LDLRAD4: variants seen among roughly 807,000 people sequenced by gnomAD.
The protein encoded by LDLRAD4 is low-density lipoprotein receptor class A domain-containing protein 4.
A neutral mutation model predicts 17.0 loss-of-function variants in LDLRAD4; 5 were observed. The observed-to-expected ratio is 0.29, with a 90% confidence interval of 0.15 to 0.62. The LOEUF is 0.62. Ranked by LOEUF, LDLRAD4 falls within the 20% of genes least tolerant of loss-of-function variation. LDLRAD4 has a pLI of 0.84. For synonymous variants in LDLRAD4, 168 were observed against 171.8 expected, an observed-to-expected ratio of 0.98 and a Z score of 0.17; for missense variants, 340 against 424.7, an observed-to-expected ratio of 0.80 and a Z score of 1.75.
chr18:13,247,006 T>C (rs963697799), intron 1 of LDLRAD4, among the ~76,000 whole-genome samples: 3 of 151,868 alleles, frequency 2.0e-5, no homozygotes, highest in Non-Finnish European at 4.4e-5. Flanking sequence ...ACAGTGATGG[T>C]GGGCTAAGGA....
chr18:13,438,107 T>C (rs1259734655), intron 2 of LDLRAD4, 137 bp from the exon 4 acceptor site: 3 of 771,156 alleles, frequency 3.9e-6, no homozygotes, highest in Non-Finnish European at 4.4e-6. Context: ...GAGTTTAGTG[T>C]CCTGGGCTCT....
rs530004532 is a variant in LDLRAD4 at position 13,330,297 on chromosome 18, A to T, written c.-383+52109A>T. On this transcript the variant is annotated intron_variant, in intron 1 of 5. Transcript: ENST00000359446. ...TTTTTTTAGTACTACTTTTTTGTTA[A>T]TTTTTCCACTTTAGCTTTATAATCA... is the stretch of plus-strand genomic sequence containing the variant. 3.3e-5 allele frequency among the ~76,000 whole-genome samples: 5 copies of T among 151,528 alleles called. No individual in the cohort carries two copies. In the East Asian group the frequency reaches 9.7e-4, roughly 29 times the overall value.
intron 1 of LDLRAD4, chr18:13,241,034 A>G (rs1248966733): frequency 6.6e-6 from 1 of 151,546 alleles, no homozygotes; most frequent in African/African-American, 2.4e-5. Context: ...GGTTCAAGCG[A>G]TTCTCCTGCC....
intron 3 of LDLRAD4, among the ~76,000 whole-genome samples, chr18:13,482,139 G>A (rs1029873195): frequency 1.3e-5 from 2 of 152,134 alleles, no homozygotes; most frequent in Non-Finnish European, 2.9e-5. Flanking sequence ...CAGTGGGGAA[G>A]CCTGGCCTGT....
At chr18:13,256,921 A>G (rs1003536342) in intron 1 of LDLRAD4, among the ~76,000 whole-genome samples, 1 of 152,228 alleles carries the variant, frequency 6.6e-6, no homozygotes, top group Non-Finnish European at 1.5e-5. Context: ...TTACTTGGAA[A>G]ATATTGCCCA....
chr18:13,436,300 G>T (rs867873420), intron 2 of LDLRAD4, among the ~76,000 whole-genome samples: 1 of 152,162 alleles, frequency 6.6e-6, no homozygotes, highest in Non-Finnish European at 1.5e-5. Flanking sequence ...TTATATGAAC[G>T]AATGAATGAG....
At chr18:13,521,505 T>C (rs2093952440) in intron 3 of LDLRAD4, 1 of 152,168 alleles carries the variant, frequency 6.6e-6, no homozygotes, top group Admixed American at 6.5e-5. Flanking sequence ...TCTGAGTACC[T>C]GTGCTGGATG....
chr18:13,561,325 A>C (rs956782616), intron 3 of LDLRAD4: 6 of 152,094 alleles, frequency 3.9e-5, no homozygotes, highest in Non-Finnish European at 8.8e-5. Context: ...TCATCCAGTT[A>C]TTTTTCCTCA....
chr18:13,252,428 C>G (rs2043271100), intron 1 of LDLRAD4, among the ~76,000 whole-genome samples: 1 of 152,242 alleles, frequency 6.6e-6, no homozygotes, highest in African/African-American at 2.4e-5. Context: ...TGTGCCCGGC[C>G]TTCCACAGTT....
intron 4 of LDLRAD4, among the ~76,000 whole-genome samples, chr18:13,628,992 G>A (rs940336295): frequency 6.6e-6 from 1 of 152,088 alleles, no homozygotes; most frequent in African/African-American, 2.4e-5. Flanking sequence ...AACCATGCCT[G>A]GCTAATTTTT....
At chr18:13,263,271 C>A (rs1267392124) in intron 1 of LDLRAD4, among the ~76,000 whole-genome samples, 2 of 151,058 alleles carry the variant, frequency 1.3e-5, no homozygotes, top group African/African-American at 4.9e-5. Flanking sequence ...GAATCCCATG[C>A]GGCTCTGTGT....
At chr18:13,650,623 CTT>C (rs2043207457) in exon 6 of LDLRAD4, 2 of 360,060 alleles carry the variant, frequency 5.6e-6, no homozygotes, top group Non-Finnish European at 9.9e-6. Context: ...TCTGTCTTTT[CTT>C]ATGTTTTTAT....
intron 3 of LDLRAD4, among the ~76,000 whole-genome samples, chr18:13,499,659 CCTT>C (rs1486425078): frequency 1.3e-5 from 2 of 150,700 alleles, no homozygotes; most frequent in Non-Finnish European, 2.9e-5. Flanking sequence ...ACTGGAGAAT[CCTT>C]CTCGCCGCAC....
chr18:13,610,713 A>T (rs549840008), intron 3 of LDLRAD4, among the ~76,000 whole-genome samples: 25 of 152,172 alleles, frequency 1.6e-4, no homozygotes, highest in African/African-American at 5.3e-4. Flanking sequence ...CCAGGTGGCA[A>T]GGAGCCTCGG....
At chr18:13,410,156 G>A (rs971741307) in intron 2 of LDLRAD4, among the ~76,000 whole-genome samples, 7 of 152,098 alleles carry the variant, frequency 4.6e-5, no homozygotes, top group African/African-American at 1.7e-4. Context: ...GAAAGGCAAG[G>A]AGGGACTTCC....
intron 3 of LDLRAD4, among the ~76,000 whole-genome samples, chr18:13,528,593 A>T (rs540549470): frequency 7.9e-5 from 12 of 152,320 alleles, no homozygotes; most frequent in African/African-American, 2.9e-4. Flanking sequence ...GATTACAGGC[A>T]TGAGCCACCA....
chr18:13,521,045 G>A (rs1335192486), intron 3 of LDLRAD4: 3 of 152,210 alleles, frequency 2.0e-5, no homozygotes, highest in Non-Finnish European at 4.4e-5. Flanking sequence ...GAGTCAGAAA[G>A]CCCGTTAGAC....
At chr18:13,449,836 T>C (rs1327469622) in intron 3 of LDLRAD4, among the ~76,000 whole-genome samples, 1 of 152,218 alleles carries the variant, frequency 6.6e-6, no homozygotes, top group Non-Finnish European at 1.5e-5. Flanking sequence ...GGCCCTTGCA[T>C]GCCAGCTGTT....
At chr18:13,539,733 A>G (rs1372762732) in intron 3 of LDLRAD4, among the ~76,000 whole-genome samples, 4 of 152,114 alleles carry the variant, frequency 2.6e-5, no homozygotes, top group African/African-American at 7.2e-5. Flanking sequence ...AAGGATTGAT[A>G]TTTTCATATT....
Sources: gnomAD v4.1 joint callset for allele counts (sites outside exome capture counted in the v4.1 genomes callset) on GRCh38, gnomAD v4.1.1 for gene constraint, MANE v1.5 for transcripts, NCBI Gene and HGNC (gene_info 2026-07-23, HGNC 2026-07-21) for gene names.